Variants in PELI2 observed in about 807,000 individuals in gnomAD.
The protein encoded by PELI2 is pellino E3 ubiquitin protein ligase family member 2.
A neutral mutation model predicts 42.3 loss-of-function variants in PELI2; 23 were observed. The ratio of observed to expected loss-of-function variants is 0.54; its 90% CI spans 0.39 to 0.77. The LOEUF (loss-of-function observed/expected upper bound fraction) is 0.77. Ranked by LOEUF, PELI2 falls within the 30% of genes least tolerant of loss-of-function variation. The pLI, the probability that PELI2 is intolerant of heterozygous loss-of-function variation, is 0.00. For synonymous variants in PELI2, 245 were observed against 212.2 expected (o/e 1.15, Z -1.34); for missense variants, 463 against 553.2 (o/e 0.84, Z 1.64).
Position 56,290,399 on chromosome 14 carries a change from C to T in PELI2, c.639C>T (p.Val213=), listed in dbSNP as rs763468065. 39 of 1,613,784 alleles carry T rather than the reference C, an allele frequency of 2.4e-5. No individual in the cohort carries two copies. In the South Asian group the frequency reaches 4.3e-4, roughly 18 times the overall value. ...SQPGVWREIS[V]CGDVYTLRET... ...CCGGGGTCTGGCGCGAGATCTCTGT[C>T]TGTGGAGATGTGTACACCTTGCGAG... The change falls in exon 5 of 6, where the codon GTC becomes GTT. Residue 213 remains valine (V), a synonymous_variant. Coordinates refer to ENST00000267460, the MANE Select transcript of PELI2 (RefSeq NM_021255.3).
intron 2 of PELI2, among the ~76,000 whole-genome samples, chr14:56,206,122 G>A (rs915237515): frequency 6.6e-6 from 1 of 152,160 alleles, no homozygotes; most frequent in Non-Finnish European, 1.5e-5. Flanking sequence ...ATTTACTAGA[G>A]TATTTGCAGT....
intron 2 of PELI2, among the ~76,000 whole-genome samples, chr14:56,218,136 C>T (rs1886979825): frequency 6.6e-6 from 1 of 152,234 alleles, no homozygotes; most frequent in Admixed American, 6.5e-5. Context: ...ACTCCATAGC[C>T]AGTGGTCTAC....
chr14:56,191,541 G>C (rs1402908251), intron 2 of PELI2, among the ~76,000 whole-genome samples: 1 of 152,168 alleles, frequency 6.6e-6, no homozygotes, highest in African/African-American at 2.4e-5. Context: ...AAAAGGAGAA[G>C]GGCAGCAGGT....
intron 1 of PELI2, among the ~76,000 whole-genome samples, chr14:56,143,996 A>T (rs1434477359): frequency 1.3e-5 from 2 of 152,176 alleles, no homozygotes; most frequent in Non-Finnish European, 2.9e-5. Flanking sequence ...AAAAACATGC[A>T]TGTATACTAG....
In PELI2 at chr14:56,150,023, A is replaced by G. The variant is rs543251754; in HGVS notation, c.78-28312A>G. On this transcript the variant is annotated intron_variant, in intron 1 of 5. Coordinates refer to ENST00000267460, the MANE Select transcript of PELI2 (RefSeq NM_021255.3). ...TTTTCTAGACATCTATGTTATAGAC[A>G]TTAGTAATACTATTATTAAGAGGAA... is the stretch of plus-strand genomic sequence containing the variant. Among the ~76,000 whole-genome samples, 100 of 152,328 alleles carry G rather than the reference A, an allele frequency of 6.6e-4. 1 individual carries two copies. Among genetic ancestry groups the G allele is most frequent in the African/African-American group, 2.3e-3 (97 of 41,568 alleles).
chr14:56,164,289 A>G (rs920303054), intron 1 of PELI2, among the ~76,000 whole-genome samples: 4 of 152,106 alleles, frequency 2.6e-5, no homozygotes, highest in South Asian at 2.1e-4. Flanking sequence ...TTAAGCATCA[A>G]TTGAAGGATA....
At chr14:56,139,848 C>G (rs1272643656) in intron 1 of PELI2, among the ~76,000 whole-genome samples, 3 of 151,522 alleles carry the variant, frequency 2.0e-5, no homozygotes, top group African/African-American at 7.3e-5. Context: ...AAATTCAGCT[C>G]CTTTCTTTGG....
intron 1 of PELI2, among the ~76,000 whole-genome samples, chr14:56,159,943 A>G (rs1884698121): frequency 6.6e-6 from 1 of 152,128 alleles, no homozygotes; most frequent in Admixed American, 6.5e-5. Flanking sequence ...AAAGAAGAGG[A>G]GAAGGACTTC....
At chr14:56,151,748 A>C (rs1003333924) in intron 1 of PELI2, among the ~76,000 whole-genome samples, 1 of 152,242 alleles carries the variant, frequency 6.6e-6, no homozygotes, top group East Asian at 1.9e-4. Flanking sequence ...TATAGTTACT[A>C]TCTGGACTAA....
chr14:56,284,363 A>C (rs1034917722), intron 3 of PELI2, among the ~76,000 whole-genome samples: 13 of 152,182 alleles, frequency 8.5e-5, no homozygotes, highest in African/African-American at 2.7e-4. Context: ...AGAGGGGTGC[A>C]TTGTCTTTAC....
intron 1 of PELI2, among the ~76,000 whole-genome samples, chr14:56,126,120 C>T (rs568808357): frequency 6.6e-6 from 1 of 152,310 alleles, no homozygotes; most frequent in Non-Finnish European, 1.5e-5. Context: ...TGTCAGTCAC[C>T]TAGCAGTCAT....
At chr14:56,131,500 A>G (rs1294873805) in intron 1 of PELI2, among the ~76,000 whole-genome samples, 1 of 152,250 alleles carries the variant, frequency 6.6e-6, no homozygotes, top group Non-Finnish European at 1.5e-5. Context: ...GGGAAAAACC[A>G]GAGACCTGGA....
chr14:56,162,915 TTAAA>T (rs1253376870), intron 1 of PELI2, among the ~76,000 whole-genome samples: 10 of 151,730 alleles, frequency 6.6e-5, no homozygotes, highest in Non-Finnish European at 1.5e-4. Flanking sequence ...AAATGTCTAT[TTAAA>T]TCTTTAGCCC....
chr14:56,259,271 A>G (rs1169230561), intron 2 of PELI2, among the ~76,000 whole-genome samples: 1 of 152,192 alleles, frequency 6.6e-6, no homozygotes, highest in Non-Finnish European at 1.5e-5. Flanking sequence ...TTAGATTTAT[A>G]TGAAGTGCTG....
chr14:56,289,586 T>C (rs1298492391), intron 4 of PELI2, among the ~76,000 whole-genome samples: 2 of 152,120 alleles, frequency 1.3e-5, no homozygotes, highest in African/African-American at 4.8e-5. Context: ...AGTGTCATGT[T>C]GGGTTAATCA....
At chr14:56,179,048 A>G (rs1009632242) in intron 2 of PELI2, among the ~76,000 whole-genome samples, 13 of 152,156 alleles carry the variant, frequency 8.5e-5, no homozygotes, top group Admixed American at 2.6e-4. Context: ...TTTTTCTCAT[A>G]ATTTTGAAGT....
intron 1 of PELI2, among the ~76,000 whole-genome samples, chr14:56,177,275 C>T (rs144362425): frequency 1.3e-5 from 2 of 152,304 alleles, no homozygotes; most frequent in Non-Finnish European, 2.9e-5. Context: ...TCTTGCTTCC[C>T]CTGTCCGGCC....
chr14:56,258,439 A>T (rs1445194554), intron 2 of PELI2, among the ~76,000 whole-genome samples: 1 of 152,206 alleles, frequency 6.6e-6, no homozygotes, highest in Non-Finnish European at 1.5e-5. Context: ...TTAAACACAG[A>T]CAAGAAGGTT....
At chr14:56,221,161 A>T (rs1213938115) in intron 2 of PELI2, among the ~76,000 whole-genome samples, 3 of 152,132 alleles carry the variant, frequency 2.0e-5, no homozygotes, top group Non-Finnish European at 4.4e-5. Flanking sequence ...AAGAACAAAC[A>T]CTTTGTGAGG....
Sources: gnomAD v4.1 joint callset for allele counts (sites outside exome capture counted in the v4.1 genomes callset) on GRCh38, gnomAD v4.1.1 for gene constraint, MANE v1.5 for transcripts, NCBI Gene and HGNC (gene_info 2026-07-23, HGNC 2026-07-21) for gene names.